The following KCNQ2 variants were observed in gnomAD, a reference collection of about 807,000 sequenced individuals.
The protein encoded by KCNQ2 is potassium voltage-gated channel subfamily Q member 2, also known as potassium voltage-gated channel subfamily KQT member 2.
In KCNQ2, 14 loss-of-function variants were observed where a neutral mutation model predicts 84.8. That is an observed-to-expected ratio of 0.17 (90% CI 0.11 to 0.26). The LOEUF (loss-of-function observed/expected upper bound fraction) is 0.26, where lower values mean the gene tolerates loss of function less well. Ranked by LOEUF, KCNQ2 falls within the 10% of genes least tolerant of loss-of-function variation. The pLI is 1.00. For synonymous variants in KCNQ2, 599 were observed against 554.1 expected, an observed-to-expected ratio of 1.08 and a Z score of -1.14; for missense variants, 788 against 1,254.0, an observed-to-expected ratio of 0.63 and a Z score of 5.61.
At position 63,442,735 on chromosome 20, in the gene KCNQ2, C is replaced by CACCACCACCACCACCACCACCA. The variant is rs1568934111; in HGVS notation, c.691-205_691-204insTGGTGGTGGTGGTGGTGGTGGT. 5.9e-4 allele frequency among the ~76,000 whole-genome samples: 21 copies of CACCACCACCACCACCACCACCA among 35,648 alleles called. 2 individuals are homozygous for CACCACCACCACCACCACCACCA. The highest frequency in any genetic ancestry group is 1.0e-3 in the South Asian group (1 of 974). The allele number at this position is 35,648 out of a possible 152,430, so 23.4% of individuals were successfully genotyped here. ...CCACCACCACCACCATCATCACCACCTCCACCATCACCACCATCACCATCA... is the reference window on the plus strand; with the variant it reads ...CCACCACCACCACCATCATCACCACCACCACCACCACCACCACCACCATCCACCATCACCACCATCACCATCA... On this transcript the variant is annotated intron_variant, in intron 4 of 16. Transcript: ENST00000359125.
Position 63,452,322 on chromosome 20 carries a change from G to C in KCNQ2, c.297-5485C>G, listed in dbSNP as rs73619479. 1.2e-4 allele frequency among the ~76,000 whole-genome samples: 18 copies of C among 152,364 alleles called. No individual in the cohort carries two copies. In the East Asian group the frequency reaches 3.5e-3, roughly 29 times the overall value. Reference sequence around the variant, plus strand: ...AATCCAGTGCCTGCCTCTGAGCTGAGGGCAGCAGGCTGGAAACTCAGCACG... The same window carrying C: ...AATCCAGTGCCTGCCTCTGAGCTGACGGCAGCAGGCTGGAAACTCAGCACG... On this transcript the variant is annotated intron_variant, in intron 1 of 16. Coordinates refer to ENST00000359125, the MANE Select transcript of KCNQ2 (RefSeq NM_172107.4).
At chr20:63,433,050 C>T (rs2080877523) in intron 8 of KCNQ2, among the ~76,000 whole-genome samples, 1 of 152,200 alleles carries the variant, frequency 6.6e-6, no homozygotes, top group South Asian at 2.1e-4. Flanking sequence ...GTCAGGCCCG[C>T]GTGGACCAGG....
At chr20:63,431,955 TCCACCCACAGG>T (rs2080804441) in intron 8 of KCNQ2, among the ~76,000 whole-genome samples, 1 of 74,792 alleles carries the variant, frequency 1.3e-5, no homozygotes, top group Admixed American at 1.6e-4. Flanking sequence ...CAGGGTAGGA[TCCACCCACAGG>T]GAAGGCCCCA....
chr20:63,418,721 G>A (rs1043532625), intron 12 of KCNQ2, among the ~76,000 whole-genome samples: 11 of 152,192 alleles, frequency 7.2e-5, no homozygotes, highest in African/African-American at 2.4e-4. Context: ...TCCCTCTCTG[G>A]AGCTGCCAAC....
At chr20:63,426,963 G>A (rs1195312000) in intron 10 of KCNQ2, among the ~76,000 whole-genome samples, 3 of 152,248 alleles carry the variant, frequency 2.0e-5, no homozygotes, top group African/African-American at 7.2e-5. Flanking sequence ...GCTCACGCCT[G>A]TAATCCCAGC....
At chr20:63,436,168 T>C (rs1318111706) in intron 7 of KCNQ2, among the ~76,000 whole-genome samples, 1 of 152,182 alleles carries the variant, frequency 6.6e-6, no homozygotes, top group African/African-American at 2.4e-5. Flanking sequence ...CAGAATCGCA[T>C]GCTGCAGAGA....
At chr20:63,454,143 C>A (rs2081702072) in intron 1 of KCNQ2, among the ~76,000 whole-genome samples, 1 of 152,144 alleles carries the variant, frequency 6.6e-6, no homozygotes, top group South Asian at 2.1e-4. Context: ...GGAATAAAGC[C>A]AGAATTCAGG....
At chr20:63,457,675 G>A (rs1266714736) in intron 1 of KCNQ2, among the ~76,000 whole-genome samples, 5 of 152,190 alleles carry the variant, frequency 3.3e-5, no homozygotes, top group African/African-American at 9.6e-5. Context: ...CCACCTGCAC[G>A]TTGCTCCCTA....
intron 1 of KCNQ2, among the ~76,000 whole-genome samples, chr20:63,454,235 G>GC (rs1185030152): frequency 6.6e-6 from 1 of 152,200 alleles, no homozygotes; most frequent in African/African-American, 2.4e-5. Context: ...CGCCTCGCCG[G>GC]CCCGCAGACC....
intron 4 of KCNQ2, among the ~76,000 whole-genome samples, chr20:63,444,325 A>G (rs950837044): frequency 1.3e-5 from 2 of 152,336 alleles, no homozygotes; most frequent in Admixed American, 1.3e-4. Context: ...TCCAGGCACT[A>G]AAAACCCAGG....
chr20:63,446,648 C>T lies in KCNQ2; in HGVS notation c.387+99G>A, dbSNP rs1048825245. 1.2e-4 allele frequency: 120 copies of T among 972,480 alleles called. No homozygotes were observed. The highest frequency in any genetic ancestry group is 6.9e-4 in the Middle Eastern group (3 of 4,348). 60.2% of individuals were successfully genotyped at this position (972,480 alleles called of 1,614,324 possible). On this transcript the variant is annotated intron_variant, in intron 2 of 16. Transcript: ENST00000359125. This position sits in a 1 kb window ranked among gnomAD's most constrained non-coding sequence, Gnocchi z 5.5. ...ACATGGCCAGAGCTGGGGCTGGGGG[C>T]GTCAGAGGCCCTGTAGTAACAGGAA...
chr20:63,446,971 GACCCCACTCCCCACCC>G lies in KCNQ2; in HGVS notation c.297-150_297-135del, dbSNP rs1431118285. The G allele has an allele frequency of 5.1e-6, 4 of 791,678 alleles. No individual in the cohort carries two copies. The highest frequency in any genetic ancestry group is 8.7e-6 in the Non-Finnish European group (4 of 461,328). The allele number at this position is 791,678 out of a possible 1,614,324, so 49.0% of individuals were successfully genotyped here. On this transcript the variant is annotated intron_variant, in intron 1 of 16. Transcript: ENST00000359125. This position sits in a 1 kb window ranked among gnomAD's most constrained non-coding sequence, Gnocchi z 5.5. ...GCATGGCCGCGTCTCCAGAACGCAG[GACCCCACTCCCCACCC>G]ACCCCACCAGAGCTCGCTCGGGCCA...
At chr20:63,442,953 T>G (rs1394393116) in intron 4 of KCNQ2, among the ~76,000 whole-genome samples, 1 of 21,870 alleles carries the variant, frequency 4.6e-5, no homozygotes. Context: ...ATCACCATCA[T>G]CACCATCACC....
chr20:63,438,508 G>A lies in KCNQ2; in HGVS notation c.1023+117C>T, dbSNP rs1054409419. On this transcript the variant is annotated intron_variant, in intron 7 of 16. Coordinates refer to ENST00000359125, the MANE Select transcript of KCNQ2 (RefSeq NM_172107.4). This position sits in a 1 kb window ranked among gnomAD's most constrained non-coding sequence, Gnocchi z 5.1. ...CCTTCCACAGATTCCTGCAGAGGGT[G>A]AGCGCTGTGGCCCATCCACAGACAG... 2 of 836,612 alleles carry A rather than the reference G, an allele frequency of 2.4e-6. No homozygotes were observed. Among genetic ancestry groups the A allele is most frequent in the East Asian group, 2.4e-5 (1 of 40,994 alleles). The allele number at this position is 836,612 out of a possible 1,614,324, so 51.8% of individuals were successfully genotyped here.
chr20:63,432,048 A>G (rs2080814589), intron 8 of KCNQ2, among the ~76,000 whole-genome samples: 1 of 148,704 alleles, frequency 6.7e-6, no homozygotes, highest in South Asian at 2.1e-4. Context: ...GGAAGGATCC[A>G]CCCACAGGGA....
chr20:63,472,061 G>A (rs1452948154), intron 1 of KCNQ2, 107 bp downstream of exon 1: 16 of 772,720 alleles, frequency 2.1e-5, no homozygotes, highest in Non-Finnish European at 2.9e-5. Flanking sequence ...CCCAGACCCA[G>A]GGGCAGGGAG....
intron 9 of KCNQ2, among the ~76,000 whole-genome samples, chr20:63,429,018 C>G (rs955369208): frequency 5.3e-5 from 8 of 152,046 alleles, no homozygotes; most frequent in Non-Finnish European, 8.8e-5. Flanking sequence ...CTCCGAGCCC[C>G]CTTCCCAGTC....
rs1568934469 is a variant in KCNQ2, at chr20:63,442,782, C to CCAT, written c.691-252_691-251insATG. Among the ~76,000 whole-genome samples the CCAT allele has an allele frequency of 6.3e-5, 2 of 31,796 alleles. 1 individual carries two copies. The highest frequency in any genetic ancestry group is 2.4e-3 in the South Asian group (2 of 820). The allele number at this position is 31,796 out of a possible 152,430, so 20.9% of individuals were successfully genotyped here. A position where few individuals can be genotyped will look rare whatever the true frequency, so the allele number is the denominator to read the frequency against. Reference sequence around the variant, plus strand: ...ATCACCACCATCACCATCACCACCACCACCATCACCATTACCACCACCATT... The same window carrying CCAT: ...ATCACCACCATCACCATCACCACCACCATCACCATCACCATTACCACCACCATT... On this transcript the variant is annotated intron_variant, in intron 4 of 16. Coordinates refer to ENST00000359125, the MANE Select transcript of KCNQ2 (RefSeq NM_172107.4).
intron 15 of KCNQ2, among the ~76,000 whole-genome samples, chr20:63,411,429 G>A (rs972819822): frequency 9.2e-5 from 14 of 152,222 alleles, no homozygotes; most frequent in Non-Finnish European, 1.6e-4. Flanking sequence ...CAGGGCCAGA[G>A]GGATGTCTGT....
Sources: allele counts gnomAD v4.1 joint callset (sites outside exome capture counted in the v4.1 genomes callset), GRCh38; gene constraint gnomAD v4.1.1; non-coding constraint Gnocchi (gnomAD v3.1); transcripts MANE v1.5; gene names NCBI Gene and HGNC (gene_info 2026-07-23, HGNC 2026-07-21).